The following TTLL11 variants were observed in gnomAD, a reference collection of about 807,000 sequenced individuals.
The protein encoded by TTLL11 is tubulin polyglutamylase TTLL11.
TTLL11 carries 42 observed loss-of-function variants against 51.7 expected under a neutral mutation model. That is an observed-to-expected ratio of 0.81 (90% CI 0.64 to 1.05). The LOEUF is 1.05. Among genes scored for constraint, TTLL11 ranks in the 50% least tolerant of loss-of-function variants. TTLL11 has a pLI of 0.00. For missense variants in TTLL11, 799 were observed against 940.4 expected, an observed-to-expected ratio of 0.85 and a Z score of 1.97; for synonymous variants, 381 against 383.5, an observed-to-expected ratio of 0.99 and a Z score of 0.08.
intron 6 of TTLL11, among the ~76,000 whole-genome samples, chr9:121,953,853 A>G (rs1325645858): frequency 6.6e-6 from 1 of 152,102 alleles, no homozygotes; most frequent in Non-Finnish European, 1.5e-5. Context: ...ACCCACCCAG[A>G]GATTTACCTG....
At chr9:121,924,847 G>A (rs915399271) in intron 6 of TTLL11, among the ~76,000 whole-genome samples, 1 of 151,496 alleles carries the variant, frequency 6.6e-6, no homozygotes, top group Admixed American at 6.6e-5. Context: ...ATTTCCTCCA[G>A]CTTGTGAGAG....
chr9:121,932,593 G>C (rs1841031982), intron 6 of TTLL11, among the ~76,000 whole-genome samples: 1 of 152,222 alleles, frequency 6.6e-6, no homozygotes, highest in African/African-American at 2.4e-5. Flanking sequence ...ACAGCATGGA[G>C]AGCCCATGCT....
chr9:122,074,067 G>A (rs1845798933), intron 1 of TTLL11, among the ~76,000 whole-genome samples: 1 of 152,180 alleles, frequency 6.6e-6, no homozygotes, highest in South Asian at 2.1e-4. Context: ...GAGGTCAGGA[G>A]TTTGAGACCA....
At chr9:122,082,930 T>C (rs1336929988) in intron 1 of TTLL11, among the ~76,000 whole-genome samples, 1 of 151,806 alleles carries the variant, frequency 6.6e-6, no homozygotes, top group Non-Finnish European at 1.5e-5. Flanking sequence ...GGGGCGAGGG[T>C]TGCTGAGGTG....
chr9:122,014,320 G>A (rs1243611454), intron 3 of TTLL11, among the ~76,000 whole-genome samples: 1 of 151,946 alleles, frequency 6.6e-6, no homozygotes, highest in Non-Finnish European at 1.5e-5. Flanking sequence ...AGCCGAGATC[G>A]TACCACTGCA....
intron 6 of TTLL11, among the ~76,000 whole-genome samples, chr9:121,961,728 T>G (rs1842230408): frequency 6.6e-6 from 1 of 152,188 alleles, no homozygotes; most frequent in Non-Finnish European, 1.5e-5. Context: ...AGAAGAGTTA[T>G]AAATGAGAAA....
intron 6 of TTLL11, among the ~76,000 whole-genome samples, chr9:121,952,510 G>T (rs1476527956): frequency 6.6e-6 from 1 of 150,696 alleles, no homozygotes; most frequent in Non-Finnish European, 1.5e-5. Flanking sequence ...TCCATAGCTT[G>T]TTCTTTCAGC....
At chr9:121,824,826 T>C (rs1463141162) in intron 8 of TTLL11, among the ~76,000 whole-genome samples, 1 of 152,214 alleles carries the variant, frequency 6.6e-6, no homozygotes, top group Non-Finnish European at 1.5e-5. Flanking sequence ...TTTACCTGCT[T>C]CTGGCACTGG....
chr9:122,072,845 C>T (rs1199202454), intron 1 of TTLL11, among the ~76,000 whole-genome samples: 2 of 152,054 alleles, frequency 1.3e-5, no homozygotes, highest in African/African-American at 2.4e-5. Flanking sequence ...CCTGTAACAT[C>T]GCGCTTCCTA....
chr9:121,935,342 G>A (rs1841161892), intron 6 of TTLL11, among the ~76,000 whole-genome samples: 1 of 152,134 alleles, frequency 6.6e-6, no homozygotes, highest in Non-Finnish European at 1.5e-5. Flanking sequence ...ACAAGAACAA[G>A]GCAAAGGATG....
At chr9:121,945,277 T>C (rs1018790708) in intron 6 of TTLL11, among the ~76,000 whole-genome samples, 12 of 152,286 alleles carry the variant, frequency 7.9e-5, no homozygotes, top group African/African-American at 2.6e-4. Context: ...ACAAAGGAGG[T>C]TTGCTGAGGT....
intron 1 of TTLL11, among the ~76,000 whole-genome samples, chr9:122,077,327 G>A (rs1564387918): frequency 6.6e-6 from 1 of 152,106 alleles, no homozygotes; most frequent in South Asian, 2.1e-4. Flanking sequence ...GACAACAAAC[G>A]CATATATGTT....
At chr9:121,942,495 G>A (rs990223771) in intron 6 of TTLL11, among the ~76,000 whole-genome samples, 3 of 152,068 alleles carry the variant, frequency 2.0e-5, no homozygotes, top group Admixed American at 6.5e-5. Context: ...TTCCTCTACT[G>A]TAACCCTGTA....
At chr9:122,061,711 C>T (rs1476624833) in intron 1 of TTLL11, among the ~76,000 whole-genome samples, 3 of 152,002 alleles carry the variant, frequency 2.0e-5, no homozygotes, top group Admixed American at 1.3e-4. Flanking sequence ...AATCTTGGCT[C>T]ACTGCAACCT....
In TTLL11 at chr9:122,002,961, AAAAG is replaced by A. The variant is rs1435676011; in HGVS notation, c.694-13195_694-13192del. 4.9e-4 allele frequency among the ~76,000 whole-genome samples: 73 copies of A among 150,324 alleles called. 1 individual carries two copies. Among genetic ancestry groups the A allele is most frequent in the African/African-American group, 1.7e-3 (70 of 40,598 alleles). On this transcript the variant is annotated intron_variant, in intron 3 of 8. Coordinates refer to ENST00000321582, the MANE Select transcript of TTLL11 (RefSeq NM_001139442.2). ...CTCTGTCTCAAAAAAAAAAAAAAAAAAAAGAGATCCCCAGCGTGTCGAGCCTCCC... is the reference window on the plus strand; with the variant it reads ...CTCTGTCTCAAAAAAAAAAAAAAAAAAGATCCCCAGCGTGTCGAGCCTCCC...
intron 6 of TTLL11, chr9:121,884,523 CA>C (rs1375145168): frequency 4.6e-5 from 7 of 152,318 alleles, no homozygotes; most frequent in African/African-American, 9.7e-5. Context: ...GGTGGTGGTC[CA>C]GGGATGAGGG....
At chr9:121,859,219 A>T (rs536172116) in intron 8 of TTLL11, among the ~76,000 whole-genome samples, 1 of 152,254 alleles carries the variant, frequency 6.6e-6, no homozygotes, top group South Asian at 2.1e-4. Flanking sequence ...GGCTGGGCGC[A>T]GTGGCTCACG....
At chr9:121,897,649 C>A (rs925702390) in intron 6 of TTLL11, among the ~76,000 whole-genome samples, 1 of 151,468 alleles carries the variant, frequency 6.6e-6, no homozygotes, top group African/African-American at 2.4e-5. Flanking sequence ...CACGCGCGCG[C>A]GAAGTCTCCA....
intron 6 of TTLL11, among the ~76,000 whole-genome samples, chr9:121,949,019 C>T (rs1724318147): frequency 6.6e-6 from 1 of 152,172 alleles, no homozygotes; most frequent in African/African-American, 2.4e-5. Flanking sequence ...GACCTTCAGG[C>T]AGGCTGGGCC....
Sources: allele counts gnomAD v4.1 joint callset (sites outside exome capture counted in the v4.1 genomes callset), GRCh38; gene constraint gnomAD v4.1.1; transcripts MANE v1.5; gene names NCBI Gene and HGNC (gene_info 2026-07-23, HGNC 2026-07-21).